The following IMMP2L variants were observed in gnomAD, a reference collection of about 807,000 sequenced individuals.
IMMP2L encodes the protein mitochondrial inner membrane protease subunit 2.
Under a neutral mutation model 19.3 loss-of-function variants are expected in IMMP2L, and 18 were observed. The ratio of observed to expected loss-of-function variants is 0.93; its 90% CI spans 0.64 to 1.38. IMMP2L has a LOEUF of 1.38. IMMP2L is among the 40% of genes most tolerant of loss of function. The pLI, the probability that IMMP2L is intolerant of heterozygous loss-of-function variation, is 0.00. For synonymous variants in IMMP2L, 76 were observed against 73.0 expected, an observed-to-expected ratio of 1.04 and a Z score of -0.21; for missense variants, 233 against 218.2, an observed-to-expected ratio of 1.07 and a Z score of -0.43.
In IMMP2L at chr7:111,249,507, A is replaced by T. The variant is rs182426681; in HGVS notation, c.239+237731T>A. Among the ~76,000 whole-genome samples the T allele has an allele frequency of 5.8e-4, 88 of 151,920 alleles. No individual in the cohort carries two copies. In the East Asian group the frequency reaches 0.014, roughly 24 times the overall value. ...GCGTCGCTCACGCTGGGAGCTGTAGACCGGAGCTGTTCCTATTCGGCCATC... is the reference window on the plus strand; with the variant it reads ...GCGTCGCTCACGCTGGGAGCTGTAGTCCGGAGCTGTTCCTATTCGGCCATC... On this transcript the variant is annotated intron_variant, in intron 3 of 5. Coordinates refer to ENST00000405709, the MANE Select transcript of IMMP2L (RefSeq NM_032549.4).
intron 3 of IMMP2L, among the ~76,000 whole-genome samples, chr7:111,160,187 A>T (rs1805097807): frequency 6.6e-6 from 1 of 152,130 alleles, no homozygotes; most frequent in South Asian, 2.1e-4. Flanking sequence ...AGCAAAATAC[A>T]GGCAAATTTC....
intron 3 of IMMP2L, among the ~76,000 whole-genome samples, chr7:111,114,355 T>A (rs548965489): frequency 1.4e-4 from 22 of 152,166 alleles, no homozygotes; most frequent in African/African-American, 4.1e-4. Flanking sequence ...ACATAAAACG[T>A]GAATAAGCAT....
rs984758557 is a variant in IMMP2L at position 111,065,458 on chromosome 7, A to G, written c.240-101893T>C. Among the ~76,000 whole-genome samples the G allele has an allele frequency of 5.3e-5, 8 of 152,282 alleles. No individual in the cohort carries two copies. In the South Asian group the frequency reaches 1.2e-3, roughly 24 times the overall value. ...TTGTGATGATTAATACTGAGTGTCA[A>G]CTTGATTGGATTGAAGGATGCAAAG... On this transcript the variant is annotated intron_variant, in intron 3 of 5. Transcript: ENST00000405709.
intron 3 of IMMP2L, among the ~76,000 whole-genome samples, chr7:111,249,862 C>A (rs1029444648): frequency 1.3e-5 from 2 of 152,180 alleles, no homozygotes; most frequent in Non-Finnish European, 2.9e-5. Context: ...AGGATGACCT[C>A]TTTCAACATT....
chr7:111,220,342 A>C (rs1812377666), intron 3 of IMMP2L, among the ~76,000 whole-genome samples: 1 of 152,062 alleles, frequency 6.6e-6, no homozygotes, highest in Non-Finnish European at 1.5e-5. Flanking sequence ...ACAAAAAAAT[A>C]AATCCTATAA....
At chr7:111,117,386 C>G (rs766778004) in intron 3 of IMMP2L, among the ~76,000 whole-genome samples, 1 of 151,958 alleles carries the variant, frequency 6.6e-6, no homozygotes, top group African/African-American at 2.4e-5. Flanking sequence ...TATCCTGTCC[C>G]CAGTTACAAA....
chr7:111,521,328 T>C lies in IMMP2L; in HGVS notation c.120A>G (p.Glu40=). 1 of 1,612,948 alleles carries C rather than the reference T, an allele frequency of 6.2e-7. No homozygotes were observed. The highest frequency in any genetic ancestry group is 8.5e-7 in the Non-Finnish European group (1 of 1,179,332). Residue 40 remains glutamate, a synonymous_variant, in exon 2 of 6, where the codon GAA becomes GAG. Transcript: ENST00000405709. The part of the protein sequence containing the change: ...LDRVACVARV[E]GASMQPSLNP... ...TCATTTTCACCTGCATCGATGCTCC[T>C]TCTACTCTTGCCACACAGGCGACCC...
chr7:111,206,349 G>T (rs1810705419), intron 3 of IMMP2L, among the ~76,000 whole-genome samples: 1 of 152,110 alleles, frequency 6.6e-6, no homozygotes, highest in African/African-American at 2.4e-5. Flanking sequence ...CCAGCACTAA[G>T]ATACATTAAG....
intron 4 of IMMP2L, among the ~76,000 whole-genome samples, chr7:110,928,947 C>T (rs909044203): frequency 1.3e-5 from 2 of 152,046 alleles, no homozygotes; most frequent in African/African-American, 4.8e-5. Context: ...TCCACCTGGC[C>T]ACAGTTTTCC....
chr7:111,497,175 G>A (rs1483105041), intron 2 of IMMP2L, among the ~76,000 whole-genome samples: 7 of 152,044 alleles, frequency 4.6e-5, no homozygotes, highest in Non-Finnish European at 1.0e-4. Flanking sequence ...CATACTACCT[G>A]TAGGAATGAA....
intron 5 of IMMP2L, among the ~76,000 whole-genome samples, chr7:110,677,165 A>T (rs1012973219): frequency 6.6e-6 from 1 of 152,158 alleles, no homozygotes; most frequent in Non-Finnish European, 1.5e-5. Context: ...GAACAAAATG[A>T]TTCCTTTAAT....
intron 3 of IMMP2L, among the ~76,000 whole-genome samples, chr7:111,192,701 G>C (rs1352278667): frequency 6.6e-6 from 1 of 152,088 alleles, no homozygotes; most frequent in African/African-American, 2.4e-5. Context: ...CTGGATTTGG[G>C]CATCACATGG....
chr7:110,933,093 C>G (rs2129551959), intron 4 of IMMP2L, among the ~76,000 whole-genome samples: 1 of 152,210 alleles, frequency 6.6e-6, no homozygotes, highest in Non-Finnish European at 1.5e-5. Context: ...TTATCATGTA[C>G]AGTTAAGTAT....
chr7:111,476,223 C>A lies in IMMP2L; in HGVS notation c.239+11015G>T, dbSNP rs570634422. ...GCAACTCAAAGTAGAAACAAGATGTCCCAAAGCCTAGACCCATAGTCTTGC... is the reference window on the plus strand; with the variant it reads ...GCAACTCAAAGTAGAAACAAGATGTACCAAAGCCTAGACCCATAGTCTTGC... On this transcript the variant is annotated intron_variant, in intron 3 of 5. Transcript: ENST00000405709. 1.2e-4 allele frequency among the ~76,000 whole-genome samples: 18 copies of A among 152,206 alleles called. No homozygotes were observed. The South Asian group carries it at 3.5e-3, about 30-fold the overall frequency.
chr7:111,275,414 A>G (rs1818916177), intron 3 of IMMP2L, among the ~76,000 whole-genome samples: 1 of 152,168 alleles, frequency 6.6e-6, no homozygotes, highest in Non-Finnish European at 1.5e-5. Context: ...TGTTCCCCCA[A>G]CTAGCATTTC....
intron 5 of IMMP2L, among the ~76,000 whole-genome samples, chr7:110,882,303 T>C: frequency 1.0e-5 from 1 of 100,480 alleles, no homozygotes; most frequent in Admixed American, 1.0e-4. Flanking sequence ...CTTCCTTCCT[T>C]CCTTCCTTCC....
At chr7:111,370,663 G>C (rs796085380) in intron 3 of IMMP2L, among the ~76,000 whole-genome samples, 1 of 151,822 alleles carries the variant, frequency 6.6e-6, no homozygotes, top group African/African-American at 2.4e-5. Flanking sequence ...TCAAAATCCC[G>C]TTTCTCTAAA....
At chr7:110,939,887 C>A (rs1353886357) in intron 4 of IMMP2L, among the ~76,000 whole-genome samples, 2 of 152,124 alleles carry the variant, frequency 1.3e-5, no homozygotes, top group African/African-American at 2.4e-5. Context: ...CTATATTTTG[C>A]TAAAAGGTAA....
chr7:110,721,181 C>T lies in IMMP2L; in HGVS notation c.409-57460G>A, dbSNP rs148160749. On this transcript the variant is annotated intron_variant, in intron 5 of 5. Coordinates refer to ENST00000405709, the MANE Select transcript of IMMP2L (RefSeq NM_032549.4). ...ACCAAATGCATGGACAGACACTGAC[C>T]CATTCCAGGGACAAGCTGGAAGGGA... 4.2e-3 allele frequency among the ~76,000 whole-genome samples: 637 copies of T among 151,936 alleles called. 5 individuals carry two copies. The highest frequency in any genetic ancestry group is 0.015 in the African/African-American group (626 of 41,442).
Sources: gnomAD v4.1 joint callset for allele counts (sites outside exome capture counted in the v4.1 genomes callset) on GRCh38, gnomAD v4.1.1 for gene constraint, MANE v1.5 for transcripts, NCBI Gene and HGNC (gene_info 2026-07-23, HGNC 2026-07-21) for gene names.